Variants in JADE1 observed in about 807,000 individuals in gnomAD.
The protein encoded by JADE1 is jade family PHD finger 1.
A neutral mutation model predicts 81.8 loss-of-function variants in JADE1; 14 were observed. The ratio of observed to expected loss-of-function variants is 0.17; its 90% CI spans 0.11 to 0.27. The LOEUF is 0.27. Ranked by LOEUF, JADE1 falls within the 10% of genes least tolerant of loss-of-function variation. The pLI is 1.00. For synonymous variants in JADE1, 353 were observed against 391.9 expected (o/e 0.90, Z 1.17); for missense variants, 690 against 1,047.9 (o/e 0.66, Z 4.71).
At position 128,874,791 on chromosome 4, in the gene JADE1, T is replaced by TTAATG. The variant is rs1232524259; in HGVS notation, c.*2532_*2536dup. 6.6e-6 allele frequency: 1 copy of TTAATG among 152,630 alleles called. No individual in the cohort carries two copies. Among genetic ancestry groups the TTAATG allele is most frequent in the Non-Finnish European group, 1.5e-5 (1 of 68,038 alleles). The allele number at this position is 152,630 out of a possible 1,614,324, so 9.5% of individuals were successfully genotyped here. On this transcript the variant is annotated 3_prime_UTR_variant, in exon 11 of 11. Transcript: ENST00000226319. ...GACCAAGAAATATCTTTGATTATGA[T>TTAATG]TAATGTATTATGTCAAAATGTAGGC...
chr4:128,867,113 G>C (rs537406755), intron 9 of JADE1, among the ~76,000 whole-genome samples: 1 of 152,146 alleles, frequency 6.6e-6, no homozygotes, highest in African/African-American at 2.4e-5. Flanking sequence ...AGTTACAAGC[G>C]AATCGGGAGA....
In JADE1 at chr4:128,823,187, T is replaced by C. The variant is rs116423768; in HGVS notation, c.-26-8546T>C. ...TTTTGTCATAGCTGCTCTTATTCAG[T>C]TGCTGACTCTTAATTGAGTCAGCAA... On this transcript the variant is annotated intron_variant, in intron 1 of 10. Transcript: ENST00000226319. 3.9e-3 allele frequency among the ~76,000 whole-genome samples: 599 copies of C among 152,306 alleles called. 2 individuals are homozygous for C. The highest frequency in any genetic ancestry group is 0.013 in the African/African-American group (558 of 41,568).
In JADE1 at chr4:128,849,031, C is replaced by G. The variant is rs201738680; in HGVS notation, c.348C>G (p.Ile116Met). ...TGTTCATCAGGCCCAAGAAGTACAT[C>G]GTGTCATCAGGCTCTGAGCCTCCCG... ...SLMFIRPKKY[I>M]VSSGSEPPEL... The change falls in exon 5 of 11, where the codon ATC becomes ATG. Residue 116 changes from isoleucine to methionine, a missense_variant. Ile to Met is a conservative substitution (Grantham distance 10). Around this residue, in one of 8 missense-constraint regions of JADE1, gnomAD observed 98 missense variants for 161.3 expected, o/e 0.61. Transcript: ENST00000226319. 1 of 1,613,998 alleles carries G rather than the reference C, an allele frequency of 6.2e-7. No individual in the cohort carries two copies. The highest frequency in any genetic ancestry group is 1.1e-5 in the South Asian group (1 of 91,060).
Position 128,831,791 on chromosome 4 carries a change from G to C in JADE1, c.33G>C (p.Glu11Asp). Residue 11 changes from glutamate to aspartate, a missense_variant, in exon 2 of 11, where the codon GAG (glutamate) becomes GAC (aspartate). Physicochemically the swap from Glu to Asp is conservative, Grantham distance 45. This residue lies in a region of JADE1 where 59 missense variants were observed against 52.8 expected (regional missense o/e 1.12). Transcript: ENST00000226319. MKRGRLPSSS[E>D]DSDDNGSLST... ...GAGGTCGCCTTCCCAGCAGCAGTGAGGATTCTGACGACAATGGCAGTAAGT... is the reference window on the plus strand; with the variant it reads ...GAGGTCGCCTTCCCAGCAGCAGTGACGATTCTGACGACAATGGCAGTAAGT... The C allele has an allele frequency of 6.2e-7, 1 of 1,614,164 alleles. No homozygotes were observed. The highest frequency in any genetic ancestry group is 1.6e-4 in the Middle Eastern group (1 of 6,062).
At chr4:128,855,608 G>T in intron 6 of JADE1, 22 bp from the exon 7 acceptor site, 4 of 1,593,780 alleles carry the variant, frequency 2.5e-6, no homozygotes, top group Non-Finnish European at 3.4e-6. Context: ...CTATTCCTCT[G>T]GGATGTGCCG....
chr4:128,838,604 G>A (rs1303224072), intron 2 of JADE1, among the ~76,000 whole-genome samples: 2 of 152,196 alleles, frequency 1.3e-5, no homozygotes, highest in African/African-American at 4.8e-5. Context: ...ATAAGTGCGT[G>A]ATGTTTTGCT....
At chr4:128,852,863 C>A (rs1730474530) in intron 6 of JADE1, among the ~76,000 whole-genome samples, 1 of 151,990 alleles carries the variant, frequency 6.6e-6, no homozygotes, top group South Asian at 2.1e-4. Context: ...TGGCTCGCGG[C>A]TGCCTTCATC....
At chr4:128,858,695 C>T (rs751860250) in intron 8 of JADE1, among the ~76,000 whole-genome samples, 4 of 151,718 alleles carry the variant, frequency 2.6e-5, no homozygotes, top group Middle Eastern at 3.2e-3. Context: ...CTCCGCCTCC[C>T]GGGTTCAGGC....
In JADE1 at chr4:128,871,378, T is replaced by C. The variant is rs1579254514; in HGVS notation, c.1645T>C (p.Ser549Pro). Reference protein sequence around the residue: ...VSGVPSSCSSSSLENMLLFNS... With the variant: ...VSGVPSSCSSPSLENMLLFNS... ...AGGTGTGCCTTCTTCCTGCTCCTCC[T>C]CCTCACTGGAAAACATGCTTTTGTT... Residue 549 changes from serine to proline, a missense_variant, in exon 11 of 11, where the codon TCC (serine) becomes CCC (proline). By Grantham distance (74) the Ser-to-Pro change is moderately conservative. This residue lies in a region of JADE1 where 86 missense variants were observed against 95.4 expected (regional missense o/e 0.90). Coordinates refer to ENST00000226319, the MANE Select transcript of JADE1 (RefSeq NM_199320.4). The surrounding 1 kb of genome is among the most constrained non-coding windows in gnomAD (Gnocchi z 4.1). The C allele has an allele frequency of 6.2e-7, 1 of 1,613,698 alleles. No individual in the cohort carries two copies. The highest frequency in any genetic ancestry group is 2.2e-5 in the East Asian group (1 of 44,874).
intron 1 of JADE1, among the ~76,000 whole-genome samples, chr4:128,826,497 A>G (rs752214899): frequency 3.0e-4 from 45 of 149,440 alleles, no homozygotes; most frequent in Non-Finnish European, 5.0e-4. Flanking sequence ...AGCTGGGACT[A>G]CAGGCATGCA....
chr4:128,815,072 C>G (rs1304363932), intron 1 of JADE1, among the ~76,000 whole-genome samples: 1 of 134,990 alleles, frequency 7.4e-6, no homozygotes, highest in African/African-American at 2.8e-5. Flanking sequence ...TTTTTTGAGA[C>G]GGAGGCTTGC....
intron 1 of JADE1, among the ~76,000 whole-genome samples, chr4:128,827,091 G>A (rs1041341867): frequency 2.6e-5 from 4 of 151,902 alleles, no homozygotes; most frequent in South Asian, 2.1e-4. Context: ...CCTATCCACC[G>A]GCCCCACCCT....
At chr4:128,868,652 A>G (rs1182066312) in intron 10 of JADE1, among the ~76,000 whole-genome samples, 4 of 152,208 alleles carry the variant, frequency 2.6e-5, no homozygotes, top group Non-Finnish European at 5.9e-5. Context: ...CAGGTTGTTT[A>G]ACCTCTCTGA....
chr4:128,830,829 C>T (rs1382160365), intron 1 of JADE1, among the ~76,000 whole-genome samples: 7 of 152,244 alleles, frequency 4.6e-5, no homozygotes, highest in African/African-American at 1.7e-4. Context: ...CTGGCCATTC[C>T]GTCTCAGTTC....
At chr4:128,844,746 G>A (rs1372781872) in intron 3 of JADE1, among the ~76,000 whole-genome samples, 1 of 152,148 alleles carries the variant, frequency 6.6e-6, no homozygotes, top group African/African-American at 2.4e-5. Flanking sequence ...TGTGGGAGGT[G>A]CATGGCCTAA....
intron 9 of JADE1, chr4:128,864,457 G>A (rs1731632047): frequency 1.0e-6 from 1 of 985,184 alleles, no homozygotes; most frequent in South Asian, 4.7e-5. Context: ...GTTTAAAATG[G>A]GCTTATTGTA....
chr4:128,846,611 A>C lies in JADE1; in HGVS notation c.296+79A>C, dbSNP rs1007604840. ...TGACAGCAGGCATCTGAGAAGAGAC[A>C]ATTTCTGTGGGAAGAGACAGTTTCT... is the stretch of plus-strand genomic sequence containing the variant. On this transcript the variant is annotated intron_variant, in intron 4 of 10. Transcript: ENST00000226319. This position sits in a 1 kb window ranked among gnomAD's most constrained non-coding sequence, Gnocchi z 4.0. 1.4e-6 allele frequency: 2 copies of C among 1,453,628 alleles called. No homozygotes were observed. Among genetic ancestry groups the C allele is most frequent in the African/African-American group, 2.8e-5 (2 of 71,028 alleles). 90.0% of individuals were successfully genotyped at this position (1,453,628 alleles called of 1,614,324 possible).
Position 128,842,993 on chromosome 4 carries a change from T to C in JADE1, c.93T>C (p.His31=). The change falls in exon 3 of 11, where the codon CAT becomes CAC. Residue 31 remains histidine (H), a synonymous_variant. Transcript: ENST00000226319. ...TTWSQNSRSQ[H]RRSSCSRHED... ...GGTCCCAGAATTCCCGATCCCAGCA[T>C]AGGAGAAGCTCCTGCTCCAGACATG... The C allele has an allele frequency of 6.2e-7, 1 of 1,614,078 alleles. No homozygotes were observed. The highest frequency in any genetic ancestry group is 1.1e-5 in the South Asian group (1 of 91,088).
At chr4:128,825,229 C>T (rs530814891) in intron 1 of JADE1, among the ~76,000 whole-genome samples, 12 of 152,206 alleles carry the variant, frequency 7.9e-5, no homozygotes, top group Admixed American at 2.0e-4. Context: ...TTAGTAGAGA[C>T]GGGGTTTCGC....
Sources: gnomAD v4.1 joint callset for allele counts (sites outside exome capture counted in the v4.1 genomes callset) on GRCh38, gnomAD v4.1.1 for gene constraint, gnomAD v4.1.1 regional missense constraint, Gnocchi (gnomAD v3.1) non-coding constraint, MANE v1.5 for transcripts, NCBI Gene and HGNC (gene_info 2026-07-23, HGNC 2026-07-21) for gene names.